Variants in SLX4IP observed in about 807,000 individuals in gnomAD.
The protein encoded by SLX4IP is SLX4 interacting protein.
SLX4IP carries 34 observed loss-of-function variants against 32.9 expected under a neutral mutation model. The observed-to-expected ratio is 1.03, with a 90% confidence interval of 0.79 to 1.38. The LOEUF (loss-of-function observed/expected upper bound fraction) is 1.38, where lower values mean the gene tolerates loss of function less well. Ranked by LOEUF, SLX4IP falls within the 40% of genes most tolerant of loss-of-function variation. The probability of loss-of-function intolerance (pLI) is 0.00; values close to 1 mark genes in which losing one functional copy is unlikely to be tolerated. For synonymous variants in SLX4IP, 172 were observed against 171.7 expected (o/e 1.00, Z -0.01); for missense variants, 444 against 479.0 (o/e 0.93, Z 0.68).
chr20:10,556,122 T>C, intron 2 of SLX4IP, 109 bp from the exon 3 acceptor site: 1 of 904,906 alleles, frequency 1.1e-6, no homozygotes, highest in Non-Finnish European at 1.7e-6. Context: ...GTAGTGAACT[T>C]TGTTGCCATT....
At chr20:10,452,891 TA>T (rs944705271) in intron 1 of SLX4IP, among the ~76,000 whole-genome samples, 2 of 150,552 alleles carry the variant, frequency 1.3e-5, no homozygotes, top group Admixed American at 6.6e-5. Context: ...AAAATTTTAT[TA>T]AAAAAAAAGA....
intron 1 of SLX4IP, among the ~76,000 whole-genome samples, chr20:10,444,588 C>T (rs894848873): frequency 1.3e-5 from 2 of 151,898 alleles, no homozygotes; most frequent in Admixed American, 6.6e-5. Context: ...ATGTTGTTCA[C>T]GCTGGTCTCG....
chr20:10,465,295 A>G (rs896813181), intron 2 of SLX4IP, among the ~76,000 whole-genome samples: 2 of 152,118 alleles, frequency 1.3e-5, no homozygotes, highest in Non-Finnish European at 2.9e-5. Context: ...TACAGCCCAC[A>G]TGCCAGCTGC....
chr20:10,532,532 G>A (rs915824324), intron 2 of SLX4IP, among the ~76,000 whole-genome samples: 1 of 152,098 alleles, frequency 6.6e-6, no homozygotes, highest in African/African-American at 2.4e-5. Context: ...GCCACATGCA[G>A]CAGGGTGTTG....
intron 1 of SLX4IP, among the ~76,000 whole-genome samples, chr20:10,439,101 A>G (rs753966710): frequency 3.3e-5 from 5 of 151,858 alleles, no homozygotes; most frequent in Non-Finnish European, 7.4e-5. Context: ...TAGATATATA[A>G]TAATTTGTTT....
Position 10,623,715 on chromosome 20 carries a change from C to T in SLX4IP, c.*336C>T, listed in dbSNP as rs1959443528. 1 of 296,166 alleles carries T rather than the reference C, an allele frequency of 3.4e-6. No individual in the cohort carries two copies. Among genetic ancestry groups the T allele is most frequent in the African/African-American group, 2.1e-5 (1 of 46,572 alleles). 18.3% of individuals were successfully genotyped at this position (296,166 alleles called of 1,614,324 possible). A position where few individuals can be genotyped will look rare whatever the true frequency, so the allele number is the denominator to read the frequency against. The stretch of plus-strand genomic sequence containing the variant: ...TCATGAGCCCCTTCTTGGCACATCA[C>T]TGTGCAGACCACACAATGGACCGTG... On this transcript the variant is annotated 3_prime_UTR_variant, in exon 8 of 8. Coordinates refer to ENST00000334534, the MANE Select transcript of SLX4IP (RefSeq NM_001009608.3).
chr20:10,599,803 C>T (rs533341823), intron 5 of SLX4IP, among the ~76,000 whole-genome samples: 1 of 152,098 alleles, frequency 6.6e-6, no homozygotes, highest in Non-Finnish European at 1.5e-5. Flanking sequence ...ACTATCATTG[C>T]CTAAATATTT....
Position 10,458,158 on chromosome 20 carries a change from C to T in SLX4IP, c.-29-18C>T. ...GAAATTTTAATATACCTAATTGTAA[C>T]TTTTTTTTTTCTTAAAGGTCTGTAG... On this transcript the variant is annotated intron_variant, in intron 1 of 7. Transcript: ENST00000334534. The T allele has an allele frequency of 7.7e-7, 1 of 1,297,782 alleles. No individual in the cohort carries two copies. The allele number at this position is 1,297,782 out of a possible 1,614,324, so 80.4% of individuals were successfully genotyped here.
chr20:10,561,201 C>A (rs2066328832), intron 4 of SLX4IP, among the ~76,000 whole-genome samples: 1 of 152,074 alleles, frequency 6.6e-6, no homozygotes, highest in Non-Finnish European at 1.5e-5. Flanking sequence ...GCATATCTAT[C>A]ACCTGAGCAT....
chr20:10,607,714 G>C (rs1006762514), intron 6 of SLX4IP, among the ~76,000 whole-genome samples: 6 of 152,066 alleles, frequency 3.9e-5, no homozygotes, highest in Admixed American at 6.5e-5. Flanking sequence ...CTGGTAGTGA[G>C]GATGAAGATG....
At chr20:10,487,701 G>A (rs1250058497) in intron 2 of SLX4IP, among the ~76,000 whole-genome samples, 1 of 152,174 alleles carries the variant, frequency 6.6e-6, no homozygotes, top group Non-Finnish European at 1.5e-5. Context: ...TTCTTTTCCA[G>A]GCATGCTGAG....
chr20:10,498,678 TC>T (rs2065690268), intron 2 of SLX4IP, among the ~76,000 whole-genome samples: 1 of 99,184 alleles, frequency 1.0e-5, no homozygotes, highest in Non-Finnish European at 2.0e-5. Flanking sequence ...TTTTTTCTTT[TC>T]TTTTCTTTTT....
intron 2 of SLX4IP, among the ~76,000 whole-genome samples, chr20:10,539,808 C>G (rs1439294820): frequency 6.6e-6 from 1 of 152,068 alleles, no homozygotes. Flanking sequence ...CCAGGCCCCA[C>G]CCCGAGAGTC....
chr20:10,471,690 A>T (rs2065426250), intron 2 of SLX4IP, among the ~76,000 whole-genome samples: 1 of 152,230 alleles, frequency 6.6e-6, no homozygotes, highest in Non-Finnish European at 1.5e-5. Context: ...GTGACAAAGA[A>T]GCCCCACTAT....
chr20:10,469,357 G>A (rs2065405382), intron 2 of SLX4IP, among the ~76,000 whole-genome samples: 1 of 151,612 alleles, frequency 6.6e-6, no homozygotes, highest in South Asian at 2.1e-4. Context: ...CTCCTTTTAG[G>A]AGTCCACAGT....
intron 4 of SLX4IP, among the ~76,000 whole-genome samples, chr20:10,581,742 C>A (rs1224152779): frequency 2.0e-5 from 3 of 151,956 alleles, no homozygotes; most frequent in Non-Finnish European, 4.4e-5. Flanking sequence ...ATAGTGATAC[C>A]CCATCTCTAC....
chr20:10,601,607 G>A (rs777160031), intron 5 of SLX4IP, 124 bp from the exon 6 acceptor site: 20 of 718,122 alleles, frequency 2.8e-5, no homozygotes, highest in African/African-American at 3.6e-5. Flanking sequence ...GAGGAGAGAA[G>A]AGACGTATGT....
At chr20:10,442,065 TA>T (rs2065163850) in intron 1 of SLX4IP, among the ~76,000 whole-genome samples, 1 of 152,228 alleles carries the variant, frequency 6.6e-6, no homozygotes, top group South Asian at 2.1e-4. Context: ...GAAAGTTTTT[TA>T]AGATGATAGA....
At chr20:10,612,119 A>G (rs541718549) in intron 6 of SLX4IP, among the ~76,000 whole-genome samples, 24 of 152,310 alleles carry the variant, frequency 1.6e-4, no homozygotes, top group African/African-American at 5.8e-4. Context: ...TGGGAATCAT[A>G]TGAGTTCTTC....
Sources: gnomAD v4.1 joint callset for allele counts (sites outside exome capture counted in the v4.1 genomes callset) on GRCh38, gnomAD v4.1.1 for gene constraint, MANE v1.5 for transcripts, NCBI Gene and HGNC (gene_info 2026-07-23, HGNC 2026-07-21) for gene names.